SLC24A2: variants seen among roughly 807,000 people sequenced by gnomAD.
The protein encoded by SLC24A2 is solute carrier family 24 member 2, also known as sodium/potassium/calcium exchanger 2.
SLC24A2 carries 36 observed loss-of-function variants against 62.0 expected under a neutral mutation model. The ratio of observed to expected loss-of-function variants is 0.58; its 90% CI spans 0.44 to 0.77. SLC24A2 has a LOEUF of 0.77. SLC24A2 is among the 30% of genes least tolerant of loss of function. The pLI is 0.00. For missense variants in SLC24A2, 846 were observed against 817.9 expected, an observed-to-expected ratio of 1.03 and a Z score of -0.42; for synonymous variants, 358 against 294.0, an observed-to-expected ratio of 1.22 and a Z score of -2.23.
chr9:19,839,411 G>T, the SLC24A2 span, among the ~76,000 whole-genome samples: 17 of 152,264 alleles, frequency 1.1e-4, no homozygotes, highest in Admixed American at 3.3e-4. Context: ...ATGGCAAAGT[G>T]CTTCTTCCAT....
At chr9:19,602,014 G>A (rs910450071) in intron 4 of SLC24A2, among the ~76,000 whole-genome samples, 2 of 152,206 alleles carry the variant, frequency 1.3e-5, no homozygotes, top group Non-Finnish European at 2.9e-5. Flanking sequence ...AAATCAGAGT[G>A]AACTTTGGTA....
the SLC24A2 span, among the ~76,000 whole-genome samples, chr9:19,846,542 T>C: frequency 6.6e-6 from 1 of 152,220 alleles, no homozygotes; most frequent in African/African-American, 2.4e-5. Context: ...TTTTTAAATC[T>C]AACTTGCCAC....
At chr9:19,848,155 A>G in the SLC24A2 span, among the ~76,000 whole-genome samples, 1 of 136,694 alleles carries the variant, frequency 7.3e-6, no homozygotes. Flanking sequence ...AGACAATACT[A>G]AACTTGTATA....
chr9:19,518,580 C>A (rs559245787), intron 10 of SLC24A2, among the ~76,000 whole-genome samples: 7 of 151,944 alleles, frequency 4.6e-5, no homozygotes, highest in Non-Finnish European at 7.4e-5. Flanking sequence ...CGCCACCATT[C>A]GTAGATAATT....
At chr9:20,018,124 T>A in the SLC24A2 span, among the ~76,000 whole-genome samples, 3 of 152,104 alleles carry the variant, frequency 2.0e-5, no homozygotes, top group Non-Finnish European at 2.9e-5. Context: ...TTTTTTTGTA[T>A]TTTTAGTAGA....
the SLC24A2 span, among the ~76,000 whole-genome samples, chr9:20,048,326 C>G: frequency 6.6e-6 from 1 of 152,102 alleles, no homozygotes. Context: ...CTTGATAAGT[C>G]AAATGAGAAG....
chr9:20,041,105 G>C, the SLC24A2 span, among the ~76,000 whole-genome samples: 1 of 152,252 alleles, frequency 6.6e-6, no homozygotes, highest in Non-Finnish European at 1.5e-5. Flanking sequence ...CTGTGTGCTT[G>C]CATATGAGAA....
the SLC24A2 span, among the ~76,000 whole-genome samples, chr9:19,796,030 C>T: frequency 6.7e-6 from 1 of 148,310 alleles, no homozygotes; most frequent in Admixed American, 6.9e-5. Context: ...GACAAAAAAC[C>T]AAACACTGCA....
chr9:20,005,145 C>A, the SLC24A2 span, among the ~76,000 whole-genome samples: 1 of 152,216 alleles, frequency 6.6e-6, no homozygotes, highest in Admixed American at 6.5e-5. Context: ...TAATTGTAAT[C>A]TACATGCACC....
chr9:19,835,531 C>T, the SLC24A2 span, among the ~76,000 whole-genome samples: 1 of 152,156 alleles, frequency 6.6e-6, no homozygotes, highest in Admixed American at 6.5e-5. Flanking sequence ...CCTAACTATC[C>T]TAAATATATA....
chr9:19,741,886 T>G (rs569927468), intron 2 of SLC24A2, among the ~76,000 whole-genome samples: 2 of 152,228 alleles, frequency 1.3e-5, no homozygotes, highest in Non-Finnish European at 2.9e-5. Flanking sequence ...TATTTGAAAA[T>G]TCAGCTATCT....
At chr9:19,939,957 A>C in the SLC24A2 span, among the ~76,000 whole-genome samples, 1 of 152,232 alleles carries the variant, frequency 6.6e-6, no homozygotes, top group Non-Finnish European at 1.5e-5. Context: ...CATGCTTCCA[A>C]GTTTTTCTCC....
chr9:19,648,754 T>A (rs542079202), intron 2 of SLC24A2, among the ~76,000 whole-genome samples: 42 of 152,156 alleles, frequency 2.8e-4, no homozygotes, highest in Non-Finnish European at 5.0e-4. Flanking sequence ...TTAGGGTTGG[T>A]TATTGGGTTT....
the SLC24A2 span, among the ~76,000 whole-genome samples, chr9:20,178,004 T>C: frequency 6.6e-6 from 1 of 152,116 alleles, no homozygotes; most frequent in Admixed American, 6.6e-5. Flanking sequence ...TTCAAGTCAA[T>C]ATTCAACCTC....
chr9:19,914,546 C>G, the SLC24A2 span, among the ~76,000 whole-genome samples: 1 of 151,842 alleles, frequency 6.6e-6, no homozygotes, highest in Non-Finnish European at 1.5e-5. Flanking sequence ...CAGGTCTTGG[C>G]CTGGCAAAGT....
At chr9:19,923,405 T>C in the SLC24A2 span, among the ~76,000 whole-genome samples, 44 of 152,332 alleles carry the variant, frequency 2.9e-4, no homozygotes, top group South Asian at 1.0e-3. Flanking sequence ...TATCTTAGAA[T>C]GGAGGAGGCA....
chr9:19,707,749 G>A (rs1405373310), intron 2 of SLC24A2, among the ~76,000 whole-genome samples: 1 of 152,154 alleles, frequency 6.6e-6, no homozygotes, highest in East Asian at 1.9e-4. Flanking sequence ...TTGATGGGAT[G>A]TATCTCAAAA....
chr9:20,158,352 G>A, the SLC24A2 span, among the ~76,000 whole-genome samples: 6 of 151,768 alleles, frequency 4.0e-5, no homozygotes, highest in South Asian at 6.2e-4. Flanking sequence ...ATTAAGAAGC[G>A]GAGCCTTTAG....
At chr9:20,163,932 G>T in the SLC24A2 span, among the ~76,000 whole-genome samples, 31 of 152,036 alleles carry the variant, frequency 2.0e-4, no homozygotes, top group East Asian at 5.0e-3. Flanking sequence ...TAGCCATATG[G>T]AGAAAGCTGA....
Sources: allele counts gnomAD v4.1 joint callset (sites outside exome capture counted in the v4.1 genomes callset), GRCh38; gene constraint gnomAD v4.1.1; transcripts MANE v1.5; gene names NCBI Gene and HGNC (gene_info 2026-07-23, HGNC 2026-07-21).